The following HMG20A variants were observed in gnomAD, a reference collection of about 807,000 sequenced individuals.
HMG20A encodes the protein high mobility group 20A, also known as high mobility group protein 20A.
HMG20A carries 17 observed loss-of-function variants against 43.9 expected under a neutral mutation model. The observed-to-expected ratio is 0.39, with a 90% CI of 0.27 to 0.58. HMG20A has a LOEUF of 0.58. Among genes scored for constraint, HMG20A ranks in the 20% least tolerant of loss-of-function variants. HMG20A has a pLI of 0.59. For synonymous variants in HMG20A, 132 were observed against 147.5 expected (o/e 0.89, Z 0.76); for missense variants, 341 against 438.2 (o/e 0.78, Z 1.98).
chr15:77,438,740 G>A (rs376244710), intron 1 of HMG20A, among the ~76,000 whole-genome samples: 14 of 152,074 alleles, frequency 9.2e-5, no homozygotes, highest in African/African-American at 3.4e-4. Context: ...AAAAATGCCT[G>A]TTTACTACCA....
At chr15:77,495,228 C>G in the HMG20A span, among the ~76,000 whole-genome samples, 1 of 152,184 alleles carries the variant, frequency 6.6e-6, no homozygotes, top group Admixed American at 6.5e-5. Context: ...CAGCTGACTC[C>G]AGGCTGCAGG....
the HMG20A span, among the ~76,000 whole-genome samples, chr15:77,510,483 T>G: frequency 2.6e-5 from 4 of 152,182 alleles, no homozygotes; most frequent in Non-Finnish European, 4.4e-5. Flanking sequence ...TTAAATGCAC[T>G]GGGGGAGAGG....
At chr15:77,518,700 C>T in the HMG20A span, among the ~76,000 whole-genome samples, 3 of 152,190 alleles carry the variant, frequency 2.0e-5, no homozygotes, top group African/African-American at 7.2e-5. Context: ...GGCTCAGCGT[C>T]TTCTTGGAGT....
In HMG20A at chr15:77,478,324, A is replaced by C; in HGVS notation, c.721A>C (p.Lys241Gln). 1 of 1,613,668 alleles carries C rather than the reference A, an allele frequency of 6.2e-7. No individual in the cohort carries two copies. Among genetic ancestry groups the C allele is most frequent in the Non-Finnish European group, 8.5e-7 (1 of 1,180,046 alleles). The change falls in exon 8 of 10, where the codon AAA becomes CAA. Residue 241 changes from lysine (K) to glutamine (Q), a missense_variant. By Grantham distance (53) the Lys-to-Gln change is moderately conservative (BLOSUM62 1). Coordinates refer to ENST00000336216, the MANE Select transcript of HMG20A (RefSeq NM_001304504.2). ...GGAAGCAGAGCTCCGCCAGCTTCGC[A>C]AATCCAACATGGAGTTTGAGGAGAG... ...AREAELRQLR[K>Q]SNMEFEERNA... is the part of the protein sequence containing the mutation.
chr15:77,499,940 C>T, the HMG20A span, among the ~76,000 whole-genome samples: 7 of 152,084 alleles, frequency 4.6e-5, no homozygotes, highest in South Asian at 8.3e-4. Context: ...AGGGATTCTC[C>T]TGCCTCAGCC....
intron 4 of HMG20A, among the ~76,000 whole-genome samples, chr15:77,467,604 T>A (rs1224231896): frequency 1.3e-5 from 2 of 152,184 alleles, no homozygotes; most frequent in African/African-American, 2.4e-5. Flanking sequence ...AAGAAATCTG[T>A]CAATAAAATG....
At chr15:77,425,941 A>C (rs377469453) in intron 1 of HMG20A, among the ~76,000 whole-genome samples, 1 of 152,234 alleles carries the variant, frequency 6.6e-6, no homozygotes, top group African/African-American at 2.4e-5. Context: ...TTCAGCAACA[A>C]AGAGAAACAA....
chr15:77,446,462 A>G (rs184569119), intron 1 of HMG20A, among the ~76,000 whole-genome samples: 22 of 152,234 alleles, frequency 1.4e-4, no homozygotes, highest in African/African-American at 5.3e-4. Flanking sequence ...AAATACATAA[A>G]TTCCCTTTTC....
chr15:77,430,435 A>G (rs1408816901), intron 1 of HMG20A, among the ~76,000 whole-genome samples: 2 of 152,262 alleles, frequency 1.3e-5, no homozygotes, highest in Non-Finnish European at 1.5e-5. Flanking sequence ...AAGTGAAGGC[A>G]TCAGAGACCT....
rs567737277 is a variant in HMG20A at position 77,483,021 on chromosome 15, A to G, written c.*58A>G. On this transcript the variant is annotated 3_prime_UTR_variant, in exon 10 of 10. Transcript: ENST00000336216. ...AGTGTTTTTACTTGTGAGGAATGAG[A>G]AGCCATCCATGGAAATTTGAACTGA... 2.6e-5 allele frequency: 4 copies of G among 152,338 alleles called. No homozygotes were observed. The highest frequency in any genetic ancestry group is 2.1e-4 in the South Asian group (1 of 4,826). The allele number at this position is 152,338 out of a possible 1,614,324, so 9.4% of individuals were successfully genotyped here.
rs2072937270 is a variant in HMG20A, at chr15:77,485,187, A to G, written c.*2224A>G. 1 of 152,636 alleles carries G rather than the reference A, an allele frequency of 6.6e-6. No homozygotes were observed. Among genetic ancestry groups the G allele is most frequent in the South Asian group, 2.1e-4 (1 of 4,832 alleles). 9.5% of individuals were successfully genotyped at this position (152,636 alleles called of 1,614,324 possible). The stretch of plus-strand genomic sequence containing the variant: ...CTCTGGTGGCTGGGATTCAGATGCC[A>G]CAAAACTGTCAGTATCTATAGACCA... On this transcript the variant is annotated 3_prime_UTR_variant, in exon 10 of 10. Transcript: ENST00000336216.
chr15:77,467,344 GATT>G, intron 4 of HMG20A, 37 bp downstream of exon 4: 1 of 1,520,730 alleles, frequency 6.6e-7, no homozygotes, highest in Non-Finnish European at 9.1e-7. Context: ...GTTTGGTTTT[GATT>G]ATATCTCAGA....
chr15:77,431,870 T>TGA (rs1227137981), intron 1 of HMG20A, among the ~76,000 whole-genome samples: 1 of 151,358 alleles, frequency 6.6e-6, no homozygotes, highest in Non-Finnish European at 1.5e-5. Flanking sequence ...ATTCCACATA[T>TGA]GAGATCATAT....
downstream of HMG20A, among the ~76,000 whole-genome samples, chr15:77,489,899 G>C (rs750727714): frequency 6.6e-6 from 1 of 152,184 alleles, no homozygotes; most frequent in Non-Finnish European, 1.5e-5. Flanking sequence ...CAGAAGTGTC[G>C]TAAAGAGTTT....
rs1002128535 is a variant in HMG20A, at chr15:77,458,390, T to A, written c.-4-14T>A. The A allele has an allele frequency of 5.1e-6, 8 of 1,581,782 alleles. No individual in the cohort carries two copies. Among genetic ancestry groups the A allele is most frequent in the Non-Finnish European group, 6.1e-6 (7 of 1,153,496 alleles). On this transcript the variant is annotated splice_polypyrimidine_tract_variant and intron_variant, in intron 1 of 9. Coordinates refer to ENST00000336216, the MANE Select transcript of HMG20A (RefSeq NM_001304504.2). ...TTAAGCCATTAATTTTTTTTTATTCTCTTTTCCTTTCAGAGAGATGGAAAA... is the reference window on the plus strand; with the variant it reads ...TTAAGCCATTAATTTTTTTTTATTCACTTTTCCTTTCAGAGAGATGGAAAA...
chr15:77,445,376 G>A (rs1330154668), intron 1 of HMG20A, among the ~76,000 whole-genome samples: 1 of 152,168 alleles, frequency 6.6e-6, no homozygotes, highest in East Asian at 1.9e-4. Flanking sequence ...TCAGATACTA[G>A]GGACCTTTGT....
chr15:77,474,380 A>G (rs1315730459), intron 6 of HMG20A, among the ~76,000 whole-genome samples: 1 of 152,210 alleles, frequency 6.6e-6, no homozygotes, highest in Admixed American at 6.5e-5. Context: ...CCAGTGAGGA[A>G]AGTGACTTGC....
At chr15:77,458,241 A>G (rs2072674200) in intron 1 of HMG20A, 163 bp from the exon 2 acceptor site, 2 of 527,214 alleles carry the variant, frequency 3.8e-6, no homozygotes, top group South Asian at 2.3e-5. Flanking sequence ...CATTTACCAT[A>G]CAGTTTAAAT....
At chr15:77,451,811 GC>G (rs2072606022) in intron 1 of HMG20A, among the ~76,000 whole-genome samples, 1 of 152,270 alleles carries the variant, frequency 6.6e-6, no homozygotes, top group South Asian at 2.1e-4. Context: ...ATATACAGAG[GC>G]CATGAAAGGC....
Sources: allele counts gnomAD v4.1 joint callset (sites outside exome capture counted in the v4.1 genomes callset), GRCh38; gene constraint gnomAD v4.1.1; transcripts MANE v1.5; gene names NCBI Gene and HGNC (gene_info 2026-07-23, HGNC 2026-07-21).